The following NELL1 variants were observed in gnomAD, a reference collection of about 807,000 sequenced individuals.
NELL1 encodes protein kinase C-binding protein NELL1.
A neutral mutation model predicts 107.4 loss-of-function variants in NELL1; 76 were observed. That is an observed-to-expected ratio of 0.71 (90% CI 0.59 to 0.86). The LOEUF (loss-of-function observed/expected upper bound fraction) is 0.86. NELL1 is among the 40% of genes least tolerant of loss of function. NELL1 has a pLI of 0.00. For synonymous variants in NELL1, 353 were observed against 341.2 expected, an observed-to-expected ratio of 1.03 and a Z score of -0.38; for missense variants, 1,024 against 1,005.5, an observed-to-expected ratio of 1.02 and a Z score of -0.25.
chr11:20,698,521 T>G (rs1854681609), intron 2 of NELL1, among the ~76,000 whole-genome samples: 1 of 152,220 alleles, frequency 6.6e-6, no homozygotes, highest in South Asian at 2.1e-4. Context: ...GGCAAATTGC[T>G]TCATCTCTTA....
At chr11:21,058,083 A>G (rs1233971277) in intron 12 of NELL1, among the ~76,000 whole-genome samples, 4 of 152,062 alleles carry the variant, frequency 2.6e-5, no homozygotes, top group African/African-American at 4.8e-5. Context: ...AGGAGATTTT[A>G]ATACTCACCA....
chr11:20,839,736 TG>T (rs2134047772), intron 3 of NELL1, among the ~76,000 whole-genome samples: 1 of 152,354 alleles, frequency 6.6e-6, no homozygotes, highest in African/African-American at 2.4e-5. Context: ...ACAAGATATC[TG>T]GGTTCTGAAG....
intron 15 of NELL1, among the ~76,000 whole-genome samples, chr11:21,387,312 A>G (rs1350590226): frequency 1.3e-5 from 2 of 151,758 alleles, no homozygotes; most frequent in Admixed American, 6.6e-5. Context: ...TTCACCATTA[A>G]AGACACTAAA....
intron 13 of NELL1, among the ~76,000 whole-genome samples, chr11:21,147,125 A>C (rs1337299855): frequency 6.6e-6 from 1 of 152,190 alleles, no homozygotes; most frequent in African/African-American, 2.4e-5. Flanking sequence ...GGTACTGAAG[A>C]AATTTCCTTA....
chr11:20,695,759 T>G (rs1854598380), intron 2 of NELL1, among the ~76,000 whole-genome samples: 1 of 152,096 alleles, frequency 6.6e-6, no homozygotes, highest in Middle Eastern at 3.4e-3. Context: ...GTGTCTTTGT[T>G]TTTTGATAAC....
At chr11:21,554,850 C>T (rs1325699228) in intron 16 of NELL1, among the ~76,000 whole-genome samples, 1 of 151,820 alleles carries the variant, frequency 6.6e-6, no homozygotes, top group Non-Finnish European at 1.5e-5. Flanking sequence ...GGGGCTGGAA[C>T]TTTCTCAGTT....
intron 4 of NELL1, among the ~76,000 whole-genome samples, chr11:20,865,359 A>G (rs895573776): frequency 6.6e-6 from 1 of 152,204 alleles, no homozygotes; most frequent in African/African-American, 2.4e-5. Context: ...CACCTCCTTC[A>G]AAAGAGGGTG....
chr11:21,299,590 G>A (rs970806067), intron 14 of NELL1, among the ~76,000 whole-genome samples: 8 of 147,400 alleles, frequency 5.4e-5, no homozygotes, highest in Non-Finnish European at 7.4e-5. Flanking sequence ...ATATAAATTG[G>A]TAGATTGGTC....
At chr11:21,223,749 T>C (rs1305350691) in intron 13 of NELL1, among the ~76,000 whole-genome samples, 1 of 152,216 alleles carries the variant, frequency 6.6e-6, no homozygotes, top group East Asian at 1.9e-4. Flanking sequence ...CAGTGAGTTA[T>C]ACATGAGTAC....
At chr11:20,725,608 A>G (rs536139145) in intron 2 of NELL1, among the ~76,000 whole-genome samples, 2 of 152,314 alleles carry the variant, frequency 1.3e-5, no homozygotes, top group South Asian at 4.1e-4. Context: ...CTCACTTTAT[A>G]TGTGAGGAAA....
At chr11:21,558,102 G>A (rs138728729) in intron 16 of NELL1, among the ~76,000 whole-genome samples, 2 of 152,004 alleles carry the variant, frequency 1.3e-5, no homozygotes, top group Non-Finnish European at 2.9e-5. Flanking sequence ...TTAAGACTGC[G>A]TAGGAGTGAA....
In NELL1 at chr11:21,032,181, G is replaced by A. The variant is rs577896497; in HGVS notation, c.1300+71621G>A. Among the ~76,000 whole-genome samples, 4 of 151,986 alleles carry A rather than the reference G, an allele frequency of 2.6e-5. No individual in the cohort carries two copies. In the East Asian group the frequency reaches 7.7e-4, roughly 29 times the overall value. On this transcript the variant is annotated intron_variant, in intron 12 of 19. Transcript: ENST00000357134. ...TAATTATTAATCTAGGTCAGGCATT[G>A]TACTTCGGCTCCAGTGCATTGCCCC... is the stretch of plus-strand genomic sequence containing the variant.
chr11:21,463,861 CCTGGATGTGA>C (rs2133875802), intron 15 of NELL1, among the ~76,000 whole-genome samples: 1 of 152,166 alleles, frequency 6.6e-6, no homozygotes, highest in East Asian at 1.9e-4. Context: ...AAGACTCTAA[CCTGGATGTGA>C]CTTGAATGGC....
At chr11:21,131,898 T>C (rs1202855146) in intron 13 of NELL1, among the ~76,000 whole-genome samples, 1 of 152,172 alleles carries the variant, frequency 6.6e-6, no homozygotes, top group Non-Finnish European at 1.5e-5. Flanking sequence ...TGACTTGGAA[T>C]TGTCACACAA....
intron 11 of NELL1, among the ~76,000 whole-genome samples, chr11:20,956,871 C>A (rs1851186031): frequency 6.6e-6 from 1 of 152,092 alleles, no homozygotes; most frequent in Non-Finnish European, 1.5e-5. Flanking sequence ...TATACTTTAT[C>A]ATATTTGAAC....
intron 17 of NELL1, among the ~76,000 whole-genome samples, chr11:21,561,437 T>C (rs750315601): frequency 1.3e-5 from 2 of 152,102 alleles, no homozygotes; most frequent in South Asian, 2.1e-4. Context: ...TTTTCCCTTA[T>C]TGGAGCACCT....
chr11:21,184,603 C>T (rs534492687), intron 13 of NELL1, among the ~76,000 whole-genome samples: 6 of 151,686 alleles, frequency 4.0e-5, no homozygotes, highest in Admixed American at 1.3e-4. Flanking sequence ...ATGTGTCAGT[C>T]GAAAACAGAC....
At chr11:20,931,722 A>T (rs1487731863) in intron 9 of NELL1, among the ~76,000 whole-genome samples, 3 of 152,134 alleles carry the variant, frequency 2.0e-5, no homozygotes, top group Non-Finnish European at 4.4e-5. Context: ...GTTGTGAGGG[A>T]TATAAGTGAA....
chr11:21,435,794 G>C (rs202059794), intron 15 of NELL1, among the ~76,000 whole-genome samples: 1 of 146,426 alleles, frequency 6.8e-6, no homozygotes, highest in South Asian at 2.1e-4. Context: ...GTGTGTGTGT[G>C]TTTGTGTGTG....
Sources: allele counts gnomAD v4.1 joint callset (sites outside exome capture counted in the v4.1 genomes callset), GRCh38; gene constraint gnomAD v4.1.1; transcripts MANE v1.5; gene names NCBI Gene and HGNC (gene_info 2026-07-23, HGNC 2026-07-21).